The following CTNNA2 variants were observed in gnomAD, a reference collection of about 807,000 sequenced individuals.
CTNNA2 encodes catenin alpha-2.
A neutral mutation model predicts 101.0 loss-of-function variants in CTNNA2; 42 were observed. The ratio of observed to expected loss-of-function variants is 0.42; its 90% CI spans 0.32 to 0.54. The LOEUF (loss-of-function observed/expected upper bound fraction) is 0.54, where lower values mean the gene tolerates loss of function less well. Ranked by LOEUF, CTNNA2 falls within the 20% of genes least tolerant of loss-of-function variation. The pLI is 0.14. For missense variants in CTNNA2, 871 were observed against 1,223.1 expected (o/e 0.71, Z 4.29); for synonymous variants, 450 against 456.4 (o/e 0.99, Z 0.18).
intron 7 of CTNNA2, among the ~76,000 whole-genome samples, chr2:80,122,827 AC>A (rs1701915223): frequency 6.6e-6 from 1 of 152,100 alleles, no homozygotes; most frequent in Admixed American, 6.6e-5. Context: ...GAGAGTGAAG[AC>A]ATATGCTGTG....
At chr2:79,380,449 A>G (rs1235595181) in intron 4 of CTNNA2, among the ~76,000 whole-genome samples, 1 of 152,054 alleles carries the variant, frequency 6.6e-6, no homozygotes, top group East Asian at 1.9e-4. Flanking sequence ...CCCTAAAGAG[A>G]TACAATCATA....
intron 1 of CTNNA2, among the ~76,000 whole-genome samples, chr2:79,563,955 T>A (rs963292958): frequency 2.6e-4 from 39 of 152,102 alleles, no homozygotes; most frequent in Non-Finnish European, 4.4e-4. Context: ...TCCATCCTCA[T>A]AATGGAGACC....
chr2:79,888,886 C>A (rs894150736), intron 6 of CTNNA2, among the ~76,000 whole-genome samples: 1 of 152,048 alleles, frequency 6.6e-6, no homozygotes, highest in Non-Finnish European at 1.5e-5. Context: ...TTGATTGTCA[C>A]TTATCTATTA....
At chr2:80,180,106 C>T (rs867348288) in intron 7 of CTNNA2, among the ~76,000 whole-genome samples, 5 of 152,172 alleles carry the variant, frequency 3.3e-5, no homozygotes, top group African/African-American at 1.2e-4. Context: ...ATTTCCCTTT[C>T]CCCAGTGCAC....
At chr2:79,516,563 G>A (rs1215900250) in intron 1 of CTNNA2, among the ~76,000 whole-genome samples, 2 of 152,164 alleles carry the variant, frequency 1.3e-5, no homozygotes, top group Admixed American at 6.5e-5. Context: ...GAAAGGTAGA[G>A]TACATACAGT....
In CTNNA2 at chr2:80,112,544, T is replaced by C. The variant is rs553609030; in HGVS notation, c.1056+202747T>C. On this transcript the variant is annotated intron_variant, in intron 7 of 18. Transcript: ENST00000402739. ...TAATTATTATTTTATATCTTCTAGATGAGTAATCTCTGACAAACTATTTAA... is the reference window on the plus strand; with the variant it reads ...TAATTATTATTTTATATCTTCTAGACGAGTAATCTCTGACAAACTATTTAA... 7.2e-5 allele frequency among the ~76,000 whole-genome samples: 11 copies of C among 152,326 alleles called. No individual in the cohort carries two copies. The South Asian group carries it at 2.3e-3, about 32-fold the overall frequency.
intron 5 of CTNNA2, among the ~76,000 whole-genome samples, chr2:79,506,141 C>T (rs1178883068): frequency 6.6e-6 from 1 of 152,070 alleles, no homozygotes; most frequent in Non-Finnish European, 1.5e-5. Context: ...TGAAATACTA[C>T]AGGAAAATAA....
Position 80,619,120 on chromosome 2 carries a change from G to T in CTNNA2, c.2466G>T (p.Glu822Asp). The T allele has an allele frequency of 6.5e-7, 1 of 1,543,454 alleles. No individual in the cohort carries two copies. The highest frequency in any genetic ancestry group is 8.8e-7 in the Non-Finnish European group (1 of 1,142,834). ...GVQSTFTTFY[E>D]VDCDVIDGGR... ...AGAGCACTTTCACTACCTTTTATGA[G>T]GTAGATTGTGATGTCATAGATGGGG... The change falls in exon 18 of 19, where the codon GAG (glutamate) becomes GAT (aspartate). Residue 822 changes from glutamate to aspartate, a missense_variant. This residue lies in a region of CTNNA2 where 65 missense variants were observed against 53.3 expected (regional missense o/e 1.22). Transcript: ENST00000402739.
chr2:79,185,880 A>C (rs761442025), intron 1 of CTNNA2, among the ~76,000 whole-genome samples: 5 of 152,152 alleles, frequency 3.3e-5, no homozygotes, highest in Non-Finnish European at 7.4e-5. Flanking sequence ...AAAAGGGAAG[A>C]TGTGTGGTGT....
chr2:79,607,246 G>A (rs1677954447), intron 1 of CTNNA2, among the ~76,000 whole-genome samples: 1 of 152,102 alleles, frequency 6.6e-6, no homozygotes, highest in Non-Finnish European at 1.5e-5. Context: ...TCATAAAAAA[G>A]CATTAGAATA....
intron 3 of CTNNA2, among the ~76,000 whole-genome samples, chr2:79,755,456 C>T (rs1022151): frequency 0.48 from 72,718 of 152,022 alleles, 19,972 homozygotes; most frequent in East Asian, 0.78. Flanking sequence ...GATGGTGCTC[C>T]ACTATGGCCA....
chr2:80,567,415 A>C (rs992919213), intron 12 of CTNNA2, among the ~76,000 whole-genome samples: 1 of 152,118 alleles, frequency 6.6e-6, no homozygotes, highest in Admixed American at 6.5e-5. Context: ...ATTATGCTTC[A>C]TGGATGTGTG....
At chr2:79,251,423 C>T (rs1190047653) in intron 2 of CTNNA2, among the ~76,000 whole-genome samples, 1 of 152,178 alleles carries the variant, frequency 6.6e-6, no homozygotes, top group Non-Finnish European at 1.5e-5. Context: ...TACTCATCCT[C>T]ACCTCCTGGT....
intron 18 of CTNNA2, among the ~76,000 whole-genome samples, chr2:80,619,644 CCCT>C (rs1328991881): frequency 3.3e-5 from 5 of 151,748 alleles, no homozygotes; most frequent in African/African-American, 9.7e-5. Flanking sequence ...AATCAGTGGG[CCCT>C]TCTAAAACTG....
chr2:79,825,454 A>G (rs1346794579), intron 3 of CTNNA2, among the ~76,000 whole-genome samples: 2 of 151,544 alleles, frequency 1.3e-5, no homozygotes, highest in Admixed American at 1.3e-4. Flanking sequence ...TAAAATATGG[A>G]GGTTGCGAGG....
At chr2:79,968,163 A>G (rs1054915159) in intron 7 of CTNNA2, among the ~76,000 whole-genome samples, 3 of 151,870 alleles carry the variant, frequency 2.0e-5, no homozygotes, top group Non-Finnish European at 4.4e-5. Context: ...ACTAAATACC[A>G]CTGAATTGTT....
At chr2:79,941,760 A>C (rs1351387561) in intron 7 of CTNNA2, among the ~76,000 whole-genome samples, 2 of 152,116 alleles carry the variant, frequency 1.3e-5, no homozygotes, top group Admixed American at 1.3e-4. Context: ...CTGGGATTAC[A>C]GGCATCTACC....
At chr2:80,365,916 GC>G (rs1182742410) in intron 7 of CTNNA2, among the ~76,000 whole-genome samples, 1 of 152,074 alleles carries the variant, frequency 6.6e-6, no homozygotes, top group Non-Finnish European at 1.5e-5. Context: ...TGTTATGCTT[GC>G]CCCTCGGGGC....
chr2:79,585,291 A>C (rs551822283), intron 1 of CTNNA2, among the ~76,000 whole-genome samples: 58 of 152,064 alleles, frequency 3.8e-4, no homozygotes, highest in African/African-American at 1.3e-3. Context: ...ACTTATTTAC[A>C]ATTAGGGATA....
Sources: gnomAD v4.1 joint callset for allele counts (sites outside exome capture counted in the v4.1 genomes callset) on GRCh38, gnomAD v4.1.1 for gene constraint, gnomAD v4.1.1 regional missense constraint, MANE v1.5 for transcripts, NCBI Gene and HGNC (gene_info 2026-07-23, HGNC 2026-07-21) for gene names.